BBS7: variants seen among roughly 807,000 people sequenced by gnomAD.
BBS7 encodes BBSome complex member BBS7.
Under a neutral mutation model 90.3 loss-of-function variants are expected in BBS7, and 50 were observed. That is an observed-to-expected ratio of 0.55 (90% CI 0.44 to 0.70). The LOEUF is 0.70. Ranked by LOEUF, BBS7 falls within the 30% of genes least tolerant of loss-of-function variation. BBS7 has a pLI of 0.00. For missense variants in BBS7, 729 were observed against 838.9 expected, an observed-to-expected ratio of 0.87 and a Z score of 1.62; for synonymous variants, 235 against 287.4, an observed-to-expected ratio of 0.82 and a Z score of 1.85.
At chr4:121,866,747 G>T (rs1162261506) in intron 2 of BBS7, among the ~76,000 whole-genome samples, 4 of 152,082 alleles carry the variant, frequency 2.6e-5, no homozygotes, top group African/African-American at 4.8e-5. Context: ...TAGATATGTG[G>T]ATTAATTTCT....
chr4:121,827,904 A>G (rs1724983071), intron 18 of BBS7: 1 of 1,265,872 alleles, frequency 7.9e-7, no homozygotes, highest in Non-Finnish European at 1.0e-6. Context: ...AATTCATCAC[A>G]GTATACTTAT....
chr4:121,836,947 TC>T (rs1725486873), intron 13 of BBS7, among the ~76,000 whole-genome samples: 1 of 149,770 alleles, frequency 6.7e-6, no homozygotes, highest in African/African-American at 2.4e-5. Flanking sequence ...GATTCCCTCT[TC>T]TGTGTTTTGG....
At chr4:121,828,751 A>G (rs1374294987) in intron 15 of BBS7, 23 bp from the exon 16 acceptor site, 2 of 1,348,566 alleles carry the variant, frequency 1.5e-6, no homozygotes. Flanking sequence ...TATATTTTTT[A>G]AAAGAATAGC....
chr4:121,855,297 G>T (rs1376543398), intron 6 of BBS7, 192 bp downstream of exon 6: 4 of 557,312 alleles, frequency 7.2e-6, no homozygotes, highest in Non-Finnish European at 1.3e-5. Context: ...GACAGAGTGA[G>T]ACCCTGCCCC....
chr4:121,855,407 G>C, intron 6 of BBS7, 82 bp downstream of exon 6: 1 of 1,282,930 alleles, frequency 7.8e-7, no homozygotes, highest in South Asian at 1.2e-5. Context: ...CTCAATTCTA[G>C]TTTATGTCCT....
At chr4:121,861,426 T>C (rs780510434) in intron 4 of BBS7, 78 bp downstream of exon 4, 7 of 1,325,832 alleles carry the variant, frequency 5.3e-6, no homozygotes, top group East Asian at 2.4e-5. Context: ...TATTAAGATA[T>C]GATACTTAGT....
chr4:121,843,232 G>A (rs1356690928), intron 12 of BBS7, among the ~76,000 whole-genome samples: 1 of 152,106 alleles, frequency 6.6e-6, no homozygotes, highest in Non-Finnish European at 1.5e-5. Context: ...CAGGAAATCA[G>A]GAATATTGAA....
chr4:121,833,459 C>G, intron 14 of BBS7, 64 bp from the exon 15 acceptor site: 1 of 1,429,144 alleles, frequency 7.0e-7, no homozygotes. Context: ...TATATGTACA[C>G]GTTAATAAGC....
At chr4:121,864,936 A>G (rs1039730379) in intron 2 of BBS7, among the ~76,000 whole-genome samples, 1 of 152,144 alleles carries the variant, frequency 6.6e-6, no homozygotes, top group Admixed American at 6.5e-5. Flanking sequence ...GCTATTTGAA[A>G]CTATATATTG....
intron 14 of BBS7, among the ~76,000 whole-genome samples, chr4:121,833,754 A>G (rs1462567944): frequency 6.6e-6 from 1 of 152,054 alleles, no homozygotes; most frequent in Non-Finnish European, 1.5e-5. Flanking sequence ...TATGTTGCCC[A>G]GGCTGGTCTC....
At chr4:121,862,925 G>A (rs1284955335) in intron 3 of BBS7, among the ~76,000 whole-genome samples, 2 of 152,174 alleles carry the variant, frequency 1.3e-5, no homozygotes, top group Non-Finnish European at 2.9e-5. Context: ...AAACTCCTGT[G>A]CTACAGAAAC....
rs533559614 is a variant in BBS7, at chr4:121,855,708, C to A, written c.529-147G>T. ...AAAATTAGGTTACGAATACAACTTG[C>A]ATTTGTTAGCAATTTTGCATATATC... On this transcript the variant is annotated intron_variant, in intron 5 of 18. Transcript: ENST00000264499. The A allele has an allele frequency of 5.6e-6, 4 of 715,396 alleles. No homozygotes were observed. In the East Asian group the frequency reaches 8.5e-5, roughly 15 times the overall value. The allele number at this position is 715,396 out of a possible 1,614,324, so 44.3% of individuals were successfully genotyped here. A position where few individuals can be genotyped will look rare whatever the true frequency, so the allele number is the denominator to read the frequency against.
chr4:121,855,643 A>ATACAGTAC, intron 5 of BBS7, 82 bp from the exon 6 acceptor site: 2 of 1,200,284 alleles, frequency 1.7e-6, no homozygotes, highest in Non-Finnish European at 2.5e-6. Context: ...CAATATTCAA[A>ATACAGTAC]TACAGTACTC....
At chr4:121,862,908 T>A (rs982678006) in intron 3 of BBS7, among the ~76,000 whole-genome samples, 1 of 152,316 alleles carries the variant, frequency 6.6e-6, no homozygotes, top group East Asian at 1.9e-4. Context: ...TGTGAAACCT[T>A]GAGCACAAAC....
intron 15 of BBS7, among the ~76,000 whole-genome samples, chr4:121,829,833 G>A (rs1725096150): frequency 6.6e-6 from 1 of 152,186 alleles, no homozygotes; most frequent in Non-Finnish European, 1.5e-5. Flanking sequence ...GTAAAGCCAA[G>A]AAAAGATAAA....
In BBS7 at chr4:121,863,246, A is replaced by C; in HGVS notation, c.136T>G (p.Cys46Gly). ...GCTTCTCCTTTCTTCATGCCAAAGC[A>C]CATAACTACCCCATCATGATCTCCA... ...VIGDHDGVVM[C>G]FGMKKGEAAA... The change falls in exon 3 of 19, where the codon TGC becomes GGC. Residue 46 changes from cysteine (C) to glycine (G), a missense_variant. Cys to Gly is a radical substitution (Grantham distance 159). Coordinates refer to ENST00000264499, the MANE Select transcript of BBS7 (RefSeq NM_176824.3). 1 of 1,613,970 alleles carries C rather than the reference A, an allele frequency of 6.2e-7. No individual in the cohort carries two copies.
At chr4:121,862,712 C>G (rs1206762602) in intron 3 of BBS7, among the ~76,000 whole-genome samples, 2 of 152,188 alleles carry the variant, frequency 1.3e-5, no homozygotes, top group Non-Finnish European at 1.5e-5. Context: ...AAGAGAACCA[C>G]AGAGCAAGAA....
Position 121,854,757 on chromosome 4 carries a change from G to C in BBS7, c.665C>G (p.Thr222Ser). 1 of 1,612,738 alleles carries C rather than the reference G, an allele frequency of 6.2e-7. No homozygotes were observed. Among genetic ancestry groups the C allele is most frequent in the Non-Finnish European group, 8.5e-7 (1 of 1,179,164 alleles). ...SDGKLALIQI[T>S]TSKPVRKWEI... ...CCACTTGCGTACTGGTTTGGATGTA[G>C]TAATCTGTATAAGCGCAAGTTTTCC... Residue 222 changes from threonine (T) to serine (S), a missense_variant, in exon 7 of 19, where the codon ACT becomes AGT. Coordinates refer to ENST00000264499, the MANE Select transcript of BBS7 (RefSeq NM_176824.3).
intron 5 of BBS7, among the ~76,000 whole-genome samples, chr4:121,856,556 T>G (rs796939264): frequency 1.4e-4 from 22 of 151,730 alleles, no homozygotes; most frequent in African/African-American, 5.1e-4. Context: ...CTACTAAAAA[T>G]ACAAAATTAG....
Sources: gnomAD v4.1 joint callset for allele counts (sites outside exome capture counted in the v4.1 genomes callset) on GRCh38, gnomAD v4.1.1 for gene constraint, MANE v1.5 for transcripts, NCBI Gene and HGNC (gene_info 2026-07-23, HGNC 2026-07-21) for gene names.